SLCO1A2: variants seen among roughly 807,000 people sequenced by gnomAD.
SLCO1A2 encodes the protein solute carrier organic anion transporter family member 1A2, also known as OATP-1.
Under a neutral mutation model 69.0 loss-of-function variants are expected in SLCO1A2, and 67 were observed. The observed-to-expected ratio is 0.97, with a 90% CI of 0.80 to 1.19. SLCO1A2 has a LOEUF of 1.19. SLCO1A2 is among the 50% of genes most tolerant of loss of function. The pLI, the probability that SLCO1A2 is intolerant of heterozygous loss-of-function variation, is 0.00. For synonymous variants in SLCO1A2, 260 were observed against 265.9 expected (o/e 0.98, Z 0.22); for missense variants, 787 against 793.7 (o/e 0.99, Z 0.10).
Position 21,295,677 on chromosome 12 carries a change from A to G in SLCO1A2, c.1191T>C (p.Leu397=). The G allele has an allele frequency of 6.2e-7, 1 of 1,607,262 alleles. No homozygotes were observed. Among genetic ancestry groups the G allele is most frequent in the Non-Finnish European group, 8.5e-7 (1 of 1,174,128 alleles). The part of the protein sequence containing the change: ...AAHIGCWLSL[L]EYLLYFLSFL... The stretch of plus-strand genomic sequence containing the variant: ...AAGATAAAAAATAGAGAAGATACTC[A>G]AGTAAGGATAACCAACATCCTATGT... The change falls in exon 10 of 15, where the codon CTT becomes CTC. Residue 397 remains leucine (L), a synonymous_variant. Coordinates refer to ENST00000683939, the MANE Select transcript of SLCO1A2 (RefSeq NM_001386879.1).
intron 2 of SLCO1A2, among the ~76,000 whole-genome samples, chr12:21,323,656 A>G (rs1472575468): frequency 6.6e-6 from 1 of 152,230 alleles, no homozygotes; most frequent in African/African-American, 2.4e-5. Flanking sequence ...TCTTATATCC[A>G]GAAGGCTTTG....
intron 12 of SLCO1A2, among the ~76,000 whole-genome samples, chr12:21,281,394 G>A (rs1944762556): frequency 6.6e-6 from 1 of 151,806 alleles, no homozygotes; most frequent in African/African-American, 2.4e-5. Flanking sequence ...AGGTTGCAGT[G>A]AGCCAAGATC....
chr12:21,371,295 G>C (rs537958319), intron 2 of SLCO1A2, among the ~76,000 whole-genome samples: 3 of 152,052 alleles, frequency 2.0e-5, no homozygotes, highest in Non-Finnish European at 4.4e-5. Flanking sequence ...ATTTGGTCTG[G>C]TGTTCAAGCC....
chr12:21,305,341 G>A (rs1037482680), intron 5 of SLCO1A2, among the ~76,000 whole-genome samples: 4 of 152,214 alleles, frequency 2.6e-5, no homozygotes, highest in Admixed American at 6.5e-5. Flanking sequence ...AGGAAGCTCT[G>A]TGGAGTCCCG....
chr12:21,317,550 T>C lies in SLCO1A2; in HGVS notation c.202+1232A>G, dbSNP rs180981388. ...AACTTACTTCATTCAATTAATACTA[T>C]TATTATCTGCATCTCTACCTTCCGT... On this transcript the variant is annotated intron_variant, in intron 3 of 14. Coordinates refer to ENST00000683939, the MANE Select transcript of SLCO1A2 (RefSeq NM_001386879.1). Among the ~76,000 whole-genome samples the C allele has an allele frequency of 3.7e-3, 565 of 151,458 alleles. 1 individual carries two copies. Among genetic ancestry groups the C allele is most frequent in the Non-Finnish European group, 5.8e-3 (394 of 67,408 alleles).
At chr12:21,407,836 A>G (rs1941846651) in intron 1 of SLCO1A2, among the ~76,000 whole-genome samples, 1 of 151,546 alleles carries the variant, frequency 6.6e-6, no homozygotes, top group Non-Finnish European at 1.5e-5. Context: ...AAAAAAAAAA[A>G]AGCCTTTGGC....
intron 1 of SLCO1A2, among the ~76,000 whole-genome samples, chr12:21,410,360 T>G (rs920218004): frequency 2.0e-5 from 3 of 152,212 alleles, no homozygotes; most frequent in African/African-American, 7.2e-5. Flanking sequence ...TATAGAGAGA[T>G]CGAGGCTATA....
intron 9 of SLCO1A2, 117 bp from the exon 10 acceptor site, chr12:21,295,909 G>A (rs1947644478): frequency 5.0e-6 from 3 of 602,638 alleles, no homozygotes; most frequent in Non-Finnish European, 8.7e-6. Flanking sequence ...TCATAGTGAA[G>A]AAGAATGATT....
intron 2 of SLCO1A2, among the ~76,000 whole-genome samples, chr12:21,362,158 A>G (rs1161060845): frequency 6.6e-6 from 1 of 152,178 alleles, no homozygotes; most frequent in East Asian, 1.9e-4. Context: ...AGGTCAGGTT[A>G]CCCACAAAGG....
At chr12:21,412,317 G>A (rs1426751675) in intron 1 of SLCO1A2, among the ~76,000 whole-genome samples, 2 of 151,914 alleles carry the variant, frequency 1.3e-5, no homozygotes, top group Non-Finnish European at 2.9e-5. Flanking sequence ...GGAGGCAGAG[G>A]TTGCAGTGAG....
At chr12:21,326,380 T>C (rs1952228675) in intron 2 of SLCO1A2, among the ~76,000 whole-genome samples, 1 of 152,130 alleles carries the variant, frequency 6.6e-6, no homozygotes, top group Non-Finnish European at 1.5e-5. Context: ...TGGAACTGGG[T>C]AACAGGCAGA....
exon 1 of SLCO1A2, chr12:21,395,391 G>C (rs567151992): frequency 4.6e-5 from 7 of 153,252 alleles, no homozygotes; most frequent in Admixed American, 3.3e-4. Context: ...GAGTCTCGCT[G>C]ATTGCTAGCA....
intron 7 of SLCO1A2, 54 bp downstream of exon 7, chr12:21,301,117 C>T (rs1292829793): frequency 1.6e-5 from 17 of 1,093,754 alleles, no homozygotes; most frequent in Non-Finnish European, 2.0e-5. Context: ...TGATAACATA[C>T]CTGAGATGCT....
chr12:21,395,392 A>G lies in SLCO1A2; in HGVS notation c.-676T>C, dbSNP rs536316505. On this transcript the variant is annotated 5_prime_UTR_variant, in exon 1 of 16. Coordinates refer to the SLCO1A2 transcript ENST00000307378. ...GTCCTACGCCCATGGAGTCTCGCTGATTGCTAGCACAGCAGTCTGAGATCA... is the reference window on the plus strand; with the variant it reads ...GTCCTACGCCCATGGAGTCTCGCTGGTTGCTAGCACAGCAGTCTGAGATCA... The G allele has an allele frequency of 2.2e-4, 34 of 153,232 alleles. 1 individual carries two copies. The highest frequency in any genetic ancestry group is 6.3e-4 in the African/African-American group (26 of 41,566). The allele number at this position is 153,232 out of a possible 1,614,324, so 9.5% of individuals were successfully genotyped here. A position where few individuals can be genotyped will look rare whatever the true frequency, so the allele number is the denominator to read the frequency against.
upstream of SLCO1A2, chr12:21,335,053 C>T (rs1253738821): frequency 6.4e-6 from 1 of 155,788 alleles, no homozygotes; most frequent in African/African-American, 2.4e-5. Flanking sequence ...ATGAAAATAG[C>T]TACTTTTAAT....
chr12:21,298,414 C>G (rs4148996), intron 8 of SLCO1A2, among the ~76,000 whole-genome samples: 11,007 of 152,150 alleles, frequency 0.072, 887 homozygotes, highest in East Asian at 0.35. Context: ...CAAGTTCTCA[C>G]TTTTAATTTC....
At chr12:21,399,094 T>G (rs1275696688), upstream of SLCO1A2, among the ~76,000 whole-genome samples, 6 of 147,412 alleles carry the variant, frequency 4.1e-5, no homozygotes, top group Admixed American at 2.0e-4. Context: ...TGTCCCTGTT[T>G]GCAGATGACA....
At chr12:21,293,015 T>G (rs1245354066) in intron 11 of SLCO1A2, among the ~76,000 whole-genome samples, 1 of 152,200 alleles carries the variant, frequency 6.6e-6, no homozygotes, top group African/African-American at 2.4e-5. Flanking sequence ...AAAGGAATAG[T>G]TTATTTCAGC....
At position 21,269,494 on chromosome 12, in the gene SLCO1A2, A is replaced by AT; in HGVS notation, c.*53dup. 1.5e-6 allele frequency: 2 copies of AT among 1,348,236 alleles called. No individual in the cohort carries two copies. Among genetic ancestry groups the AT allele is most frequent in the East Asian group, 2.3e-5 (1 of 43,330 alleles). 83.5% of individuals were successfully genotyped at this position (1,348,236 alleles called of 1,614,324 possible). ...TATATCTCTACTGATTTTTAAAACA[A>AT]TTAAGTTGTACAGCATGTTCTCTAA... On this transcript the variant is annotated 3_prime_UTR_variant, in exon 15 of 15. Coordinates refer to ENST00000683939, the MANE Select transcript of SLCO1A2 (RefSeq NM_001386879.1).
Sources: gnomAD v4.1 joint callset for allele counts (sites outside exome capture counted in the v4.1 genomes callset) on GRCh38, gnomAD v4.1.1 for gene constraint, MANE v1.5 for transcripts, NCBI Gene and HGNC (gene_info 2026-07-23, HGNC 2026-07-21) for gene names.